Variants in FBLN5 observed in about 807,000 individuals in gnomAD.
FBLN5 encodes fibulin 5.
Under a neutral mutation model 61.6 loss-of-function variants are expected in FBLN5, and 24 were observed. That is an observed-to-expected ratio of 0.39 (90% CI 0.28 to 0.55). The LOEUF (loss-of-function observed/expected upper bound fraction) is 0.55. FBLN5 is among the 20% of genes least tolerant of loss of function. The pLI is 0.65. For synonymous variants in FBLN5, 213 were observed against 219.8 expected (o/e 0.97, Z 0.27); for missense variants, 470 against 594.1 (o/e 0.79, Z 2.17).
At chr14:91,890,126 C>A (rs1304785986) in intron 6 of FBLN5, among the ~76,000 whole-genome samples, 1 of 152,198 alleles carries the variant, frequency 6.6e-6, no homozygotes, top group Non-Finnish European at 1.5e-5. Context: ...AAGAAAATGA[C>A]CTCTTTTGGC....
At chr14:91,924,532 CA>C (rs11354516) in intron 4 of FBLN5, among the ~76,000 whole-genome samples, 123,883 of 151,848 alleles carry the variant, frequency 0.82, 50,636 homozygotes, top group East Asian at 0.9. Context: ...TTCTAAAATA[CA>C]AAAAAATAGC....
chr14:91,872,358 A>G (rs1183121460), intron 10 of FBLN5, among the ~76,000 whole-genome samples: 1 of 152,148 alleles, frequency 6.6e-6, no homozygotes. Flanking sequence ...AGGGACAGAT[A>G]TTGGCACTGT....
At chr14:91,910,148 T>C (rs1255256757) in intron 4 of FBLN5, among the ~76,000 whole-genome samples, 1 of 152,212 alleles carries the variant, frequency 6.6e-6, no homozygotes, top group Non-Finnish European at 1.5e-5. Flanking sequence ...GTTGAATGAA[T>C]ACCCAAAATG....
Position 91,898,796 on chromosome 14 carries a change from C to CTTTTT in FBLN5, c.380-3729_380-3725dup, listed in dbSNP as rs35840279. 3.1e-3 allele frequency among the ~76,000 whole-genome samples: 258 copies of CTTTTT among 84,232 alleles called. 1 individual carries two copies. Among genetic ancestry groups the CTTTTT allele is most frequent in the African/African-American group, 3.8e-3 (74 of 19,440 alleles). The allele number at this position is 84,232 out of a possible 152,430, so 55.3% of individuals were successfully genotyped here. A position where few individuals can be genotyped will look rare whatever the true frequency, so the allele number is the denominator to read the frequency against. On this transcript the variant is annotated intron_variant, in intron 4 of 10. Coordinates refer to ENST00000342058, the MANE Select transcript of FBLN5 (RefSeq NM_006329.4). ...TTGCTCACTCATTCATTCATTCATTCTTTTTTTTTTTTTTTTTTTTTTTGC... is the reference window on the plus strand; with the variant it reads ...TTGCTCACTCATTCATTCATTCATTCTTTTTTTTTTTTTTTTTTTTTTTTTTTTGC...
At chr14:91,941,333 T>C (rs576291589) in intron 2 of FBLN5, among the ~76,000 whole-genome samples, 6 of 152,164 alleles carry the variant, frequency 3.9e-5, no homozygotes, top group Non-Finnish European at 5.9e-5. Context: ...CAGAAAGAGA[T>C]AGATCTCAAC....
At chr14:91,912,738 A>T (rs1891006612) in intron 4 of FBLN5, among the ~76,000 whole-genome samples, 1 of 151,640 alleles carries the variant, frequency 6.6e-6, no homozygotes, top group Non-Finnish European at 1.5e-5. Flanking sequence ...TGAGCCCGGG[A>T]AATCGAGGCT....
At chr14:91,922,311 A>AAAGT (rs1419939688) in intron 4 of FBLN5, among the ~76,000 whole-genome samples, 1 of 129,270 alleles carries the variant, frequency 7.7e-6, no homozygotes, top group South Asian at 2.6e-4. Flanking sequence ...TAATAATAAT[A>AAAGT]AAGTAAATAA....
chr14:91,877,693 G>A lies in FBLN5; in HGVS notation c.990-11C>T, dbSNP rs766538869. Reference sequence around the variant, plus strand: ...GGACACATACAGCGGCTGTGGAAAGGGAAATCACGTGAGAACTCAAGAAAT... The same window carrying A: ...GGACACATACAGCGGCTGTGGAAAGAGAAATCACGTGAGAACTCAAGAAAT... On this transcript the variant is annotated splice_polypyrimidine_tract_variant and intron_variant, in intron 9 of 10. Coordinates refer to ENST00000342058, the MANE Select transcript of FBLN5 (RefSeq NM_006329.4). The A allele has an allele frequency of 6.2e-7, 1 of 1,611,570 alleles. No homozygotes were observed. Among genetic ancestry groups the A allele is most frequent in the South Asian group, 1.1e-5 (1 of 91,016 alleles).
intron 4 of FBLN5, among the ~76,000 whole-genome samples, chr14:91,910,919 A>G (rs904054379): frequency 1.3e-5 from 2 of 152,136 alleles, no homozygotes; most frequent in East Asian, 1.9e-4. Flanking sequence ...CAACACAGGC[A>G]AGTGGGAACA....
At chr14:91,895,856 C>T (rs1013480322) in intron 4 of FBLN5, among the ~76,000 whole-genome samples, 3 of 148,920 alleles carry the variant, frequency 2.0e-5, no homozygotes, top group African/African-American at 7.4e-5. Context: ...AGTCCAGTTG[C>T]TTAATGGTAT....
At position 91,947,180 on chromosome 14, in the gene FBLN5, T is replaced by C. The variant is rs754835199; in HGVS notation, c.17+33A>G. On this transcript the variant is annotated intron_variant, in intron 1 of 10. Transcript: ENST00000342058. This position sits in a 1 kb window ranked among gnomAD's most constrained non-coding sequence, Gnocchi z 4.3. ...GATTTTTAGCAAGGCTTCCAGACCCTGGAGAAAGAAAAGTCCAGCGCCGAG... is the reference window on the plus strand; with the variant it reads ...GATTTTTAGCAAGGCTTCCAGACCCCGGAGAAAGAAAAGTCCAGCGCCGAG... 2.5e-6 allele frequency: 4 copies of C among 1,614,002 alleles called. No individual in the cohort carries two copies. The highest frequency in any genetic ancestry group is 1.7e-5 in the Admixed American group (1 of 60,032).
intron 4 of FBLN5, among the ~76,000 whole-genome samples, chr14:91,901,192 C>G (rs970033167): frequency 1.3e-5 from 2 of 152,234 alleles, no homozygotes; most frequent in Non-Finnish European, 2.9e-5. Flanking sequence ...ATTCTTGCCT[C>G]TTCCCATGCC....
intron 5 of FBLN5, among the ~76,000 whole-genome samples, chr14:91,893,049 G>C (rs1459298444): frequency 6.6e-6 from 1 of 152,098 alleles, no homozygotes; most frequent in Non-Finnish European, 1.5e-5. Flanking sequence ...GAGGGTTTCT[G>C]TAACAGGGCT....
chr14:91,873,263 G>C (rs1201200355), intron 10 of FBLN5, among the ~76,000 whole-genome samples: 1 of 152,184 alleles, frequency 6.6e-6, no homozygotes. Flanking sequence ...AAAAGATGAG[G>C]AGGAGGAGGA....
intron 4 of FBLN5, among the ~76,000 whole-genome samples, chr14:91,916,174 G>A (rs1297149229): frequency 3.9e-5 from 6 of 152,178 alleles, no homozygotes; most frequent in African/African-American, 2.4e-5. Flanking sequence ...GGCCAGGCAC[G>A]GTGGCTCACG....
intron 9 of FBLN5, among the ~76,000 whole-genome samples, chr14:91,880,343 A>G (rs1050360897): frequency 3.3e-5 from 5 of 152,208 alleles, no homozygotes; most frequent in African/African-American, 1.2e-4. Flanking sequence ...GGTGAGTCCT[A>G]TGAGTGTTAC....
At chr14:91,939,255 A>G (rs1450663840) in intron 3 of FBLN5, among the ~76,000 whole-genome samples, 2 of 151,928 alleles carry the variant, frequency 1.3e-5, no homozygotes, top group African/African-American at 4.8e-5. Flanking sequence ...GGTCCTTGTT[A>G]ATGCTGTTCC....
At chr14:91,922,672 C>A (rs964838729) in intron 4 of FBLN5, among the ~76,000 whole-genome samples, 1 of 152,184 alleles carries the variant, frequency 6.6e-6, no homozygotes, top group Non-Finnish European at 1.5e-5. Context: ...TTTCCAGAGA[C>A]GTCTGATGGT....
chr14:91,894,227 T>C (rs2430358), intron 5 of FBLN5, among the ~76,000 whole-genome samples: 73,705 of 146,890 alleles, frequency 0.5, 19,039 homozygotes, highest in Admixed American at 0.66. Flanking sequence ...GGCAAAACCC[T>C]GTTTCTACAA....
Sources: allele counts gnomAD v4.1 joint callset (sites outside exome capture counted in the v4.1 genomes callset), GRCh38; gene constraint gnomAD v4.1.1; non-coding constraint Gnocchi (gnomAD v3.1); transcripts MANE v1.5; gene names NCBI Gene and HGNC (gene_info 2026-07-23, HGNC 2026-07-21).